The following HTATIP2 variants were observed in gnomAD, a reference collection of about 807,000 sequenced individuals.
The protein encoded by HTATIP2 is HIV-1 Tat interactive protein 2.
Under a neutral mutation model 24.7 loss-of-function variants are expected in HTATIP2, and 26 were observed. The observed-to-expected ratio is 1.05, with a 90% CI of 0.77 to 1.46. The LOEUF (loss-of-function observed/expected upper bound fraction) is 1.46. Among genes scored for constraint, HTATIP2 ranks in the 40% most tolerant of loss-of-function variants. The pLI is 0.00. For missense variants in HTATIP2, 284 were observed against 289.6 expected (o/e 0.98, Z 0.14); for synonymous variants, 99 against 113.2 (o/e 0.87, Z 0.79).
chr11:20,372,809 G>A (rs911058721), intron 2 of HTATIP2, among the ~76,000 whole-genome samples: 7 of 152,060 alleles, frequency 4.6e-5, no homozygotes, highest in Non-Finnish European at 8.8e-5. Context: ...TTTCGAGATC[G>A]CTCCTTTCAT....
intron 2 of HTATIP2, chr11:20,367,784 T>A: frequency 2.4e-6 from 1 of 417,726 alleles, no homozygotes; most frequent in Non-Finnish European, 3.3e-6. Flanking sequence ...TCAGCGATGA[T>A]TCAACCCCAC....
intron 2 of HTATIP2, among the ~76,000 whole-genome samples, chr11:20,370,271 T>C (rs546124516): frequency 7.8e-4 from 119 of 152,336 alleles, no homozygotes; most frequent in African/African-American, 2.8e-3. Flanking sequence ...AAATAGCCTT[T>C]GAAAACCAGA....
At chr11:20,376,790 T>C in intron 3 of HTATIP2, 73 bp downstream of exon 3, 20 of 1,150,168 alleles carry the variant, frequency 1.7e-5, no homozygotes, top group Admixed American at 5.3e-5. Flanking sequence ...GAATATAAAA[T>C]ATTATATAAT....
Position 20,363,896 on chromosome 11 carries a change from C to A in HTATIP2, c.-342C>A. On this transcript the variant is annotated 5_prime_UTR_variant, in exon 1 of 5. Transcript: ENST00000451739. ...CCTGCTGCGTCGTGAGGACCCGGGG[C>A]CGGGGGCTGGCCCCAGGTAACCCCT... 1 of 1,243,012 alleles carries A rather than the reference C, an allele frequency of 8.0e-7. No homozygotes were observed. The allele number at this position is 1,243,012 out of a possible 1,614,324, so 77.0% of individuals were successfully genotyped here. A position where few individuals can be genotyped will look rare whatever the true frequency, so the allele number is the denominator to read the frequency against.
chr11:20,382,901 G>A (rs565427406), intron 4 of HTATIP2, 79 bp from the exon 5 acceptor site: 69 of 1,015,356 alleles, frequency 6.8e-5, no homozygotes, highest in South Asian at 3.8e-4. Context: ...AGTTTTGTCC[G>A]TAATGCCCAC....
chr11:20,371,955 G>T (rs180883950), intron 2 of HTATIP2, among the ~76,000 whole-genome samples: 100 of 152,140 alleles, frequency 6.6e-4, no homozygotes, highest in Non-Finnish European at 7.1e-4. Context: ...ATACCATTTG[G>T]TGTTTGTCAG....
chr11:20,365,591 A>G (rs926885567), intron 1 of HTATIP2, among the ~76,000 whole-genome samples: 1 of 152,172 alleles, frequency 6.6e-6, no homozygotes, highest in African/African-American at 2.4e-5. Flanking sequence ...AGTCTTGTTT[A>G]TTTAAAACAG....
At chr11:20,380,247 C>T (rs368654258) in intron 3 of HTATIP2, among the ~76,000 whole-genome samples, 3 of 152,138 alleles carry the variant, frequency 2.0e-5, no homozygotes, top group Admixed American at 6.5e-5. Flanking sequence ...GGGAACACAC[C>T]GAAAATCCAA....
Position 20,363,757 on chromosome 11 carries a change from C to A in HTATIP2, c.-481C>A. The stretch of plus-strand genomic sequence containing the variant: ...CCCGGAAGACCAAGCCGGGTAGGCG[C>A]TGTCTCCGTCGCCTCCAACCCCCCC... On this transcript the variant is annotated 5_prime_UTR_variant, in exon 1 of 5. In the 5' UTR this introduces an upstream ATG that the reference lacks. Coordinates refer to ENST00000451739, the MANE Select transcript of HTATIP2 (RefSeq NM_001098522.2). 8.1e-7 allele frequency: 1 copy of A among 1,236,832 alleles called. No individual in the cohort carries two copies. Among genetic ancestry groups the A allele is most frequent in the East Asian group, 3.2e-5 (1 of 31,596 alleles). 76.6% of individuals were successfully genotyped at this position (1,236,832 alleles called of 1,614,324 possible). A position where few individuals can be genotyped will look rare whatever the true frequency, so the allele number is the denominator to read the frequency against.
chr11:20,382,180 A>G lies in HTATIP2; in HGVS notation c.444A>G (p.Gly148=). 6.3e-7 allele frequency: 1 copy of G among 1,576,542 alleles called. No individual in the cohort carries two copies. The part of the protein sequence containing the change: ...SSNFLYLQVK[G]EVEAKVEELK... ...GAAAATGTGTTTTTTCTTAATAGGG[A>G]GAAGTAGAAGCCAAGGTTGAAGAAT... Residue 148 remains glycine, a splice_region_variant and synonymous_variant, in exon 4 of 5, where the codon GGA becomes GGG. Transcript: ENST00000451739.
chr11:20,365,740 G>C (rs1262478107), intron 1 of HTATIP2, among the ~76,000 whole-genome samples: 1 of 152,040 alleles, frequency 6.6e-6, no homozygotes, highest in Non-Finnish European at 1.5e-5. Context: ...GGGAGTCCGA[G>C]GCAGGGGATC....
At chr11:20,374,397 G>A (rs1848411326) in intron 2 of HTATIP2, among the ~76,000 whole-genome samples, 1 of 152,198 alleles carries the variant, frequency 6.6e-6, no homozygotes, top group Admixed American at 6.5e-5. Flanking sequence ...TCTGACACGG[G>A]TTTACCTGAG....
At chr11:20,377,794 A>T (rs1848467294) in intron 3 of HTATIP2, among the ~76,000 whole-genome samples, 1 of 152,246 alleles carries the variant, frequency 6.6e-6, no homozygotes, top group Non-Finnish European at 1.5e-5. Context: ...AATTGTTATC[A>T]GTTCTGCCTT....
intron 2 of HTATIP2, among the ~76,000 whole-genome samples, chr11:20,375,531 ACTG>A: frequency 6.6e-6 from 1 of 152,300 alleles, no homozygotes; most frequent in East Asian, 1.9e-4. Context: ...AGACCACGCC[ACTG>A]CCCTCCAGCC....
intron 3 of HTATIP2, among the ~76,000 whole-genome samples, chr11:20,377,776 T>C (rs1848467155): frequency 6.6e-6 from 1 of 152,260 alleles, no homozygotes; most frequent in Non-Finnish European, 1.5e-5. Flanking sequence ...TATTGTTATG[T>C]AAATACAAAT....
intron 3 of HTATIP2, among the ~76,000 whole-genome samples, chr11:20,378,475 T>G (rs1458583925): frequency 2.6e-5 from 4 of 152,188 alleles, no homozygotes; most frequent in African/African-American, 7.2e-5. Context: ...ACTTGTTTTT[T>G]AAAACACTGA....
Position 20,364,165 on chromosome 11 carries a change from T to A in HTATIP2, c.-73T>A. 1 of 1,512,008 alleles carries A rather than the reference T, an allele frequency of 6.6e-7. No individual in the cohort carries two copies. The highest frequency in any genetic ancestry group is 2.3e-5 in the East Asian group (1 of 43,376). 93.7% of individuals were successfully genotyped at this position (1,512,008 alleles called of 1,614,324 possible). On this transcript the variant is annotated 5_prime_UTR_variant, in exon 1 of 5. The change creates a new upstream start codon in the 5' untranslated region. Coordinates refer to ENST00000451739, the MANE Select transcript of HTATIP2 (RefSeq NM_001098522.2). ...CTCCTCCCTAACAGATAAACAGCCC[T>A]TGTTCCTCGGGATAAGGACTGGCAG...
At chr11:20,382,278 G>A (rs1348937490) in intron 4 of HTATIP2, 39 bp downstream of exon 4, 1 of 1,195,782 alleles carries the variant, frequency 8.4e-7, no homozygotes, top group Non-Finnish European at 1.2e-6. Context: ...GTATGCCACT[G>A]ATGGTTAATC....
In HTATIP2 at chr11:20,365,506, C is replaced by T. The variant is rs75804915; in HGVS notation, c.195+1074C>T. On this transcript the variant is annotated intron_variant, in intron 1 of 4. Transcript: ENST00000451739. ...TAGAAAGAACATTTCAAATAACAAG[C>T]CATCTTGCAAATAAATGTTCTTGAT... 9.8e-3 allele frequency among the ~76,000 whole-genome samples: 1,486 copies of T among 152,288 alleles called. 26 individuals carry two copies. The highest frequency in any genetic ancestry group is 0.034 in the African/African-American group (1,414 of 41,550).
Sources: gnomAD v4.1 joint callset for allele counts (sites outside exome capture counted in the v4.1 genomes callset) on GRCh38, gnomAD v4.1.1 for gene constraint, MANE v1.5 for transcripts, NCBI Gene and HGNC (gene_info 2026-07-23, HGNC 2026-07-21) for gene names.